RBM27: variants seen among roughly 807,000 people sequenced by gnomAD.
RBM27 encodes RNA binding motif protein 27, also known as RNA-binding protein 27.
Under a neutral mutation model 135.3 loss-of-function variants are expected in RBM27, and 22 were observed. The observed-to-expected ratio is 0.16, with a 90% confidence interval of 0.12 to 0.23. The LOEUF is 0.23. Ranked by LOEUF, RBM27 falls within the 10% of genes least tolerant of loss-of-function variation. The pLI, the probability that RBM27 is intolerant of heterozygous loss-of-function variation, is 1.00. For missense variants in RBM27, 1,009 were observed against 1,281.0 expected, an observed-to-expected ratio of 0.79 and a Z score of 3.24; for synonymous variants, 481 against 442.4, an observed-to-expected ratio of 1.09 and a Z score of -1.10.
intron 8 of RBM27, among the ~76,000 whole-genome samples, chr5:146,247,059 TC>T (rs1757656645): frequency 2.6e-5 from 4 of 151,524 alleles, no homozygotes. Context: ...AGATGAGGGC[TC>T]CCCATGTTGC....
chr5:146,210,025 C>T (rs1755866717), intron 1 of RBM27, among the ~76,000 whole-genome samples: 1 of 152,176 alleles, frequency 6.6e-6, no homozygotes, highest in African/African-American at 2.4e-5. Context: ...TATCCTCTTA[C>T]AGTGTTGCTA....
rs759463032 is a variant in RBM27, at chr5:146,233,625, C to CCCGGGCCCAGGT, written c.1029_1040dup (p.Pro355_Gly358dup). The CCCGGGCCCAGGT allele has an allele frequency of 1.2e-6, 2 of 1,601,324 alleles. No homozygotes were observed. Among genetic ancestry groups the CCCGGGCCCAGGT allele is most frequent in the South Asian group, 2.2e-5 (2 of 89,892 alleles). The stretch of plus-strand genomic sequence containing the variant: ...CTCCAATGCCAGGTCCAGGCCCAGG[C>CCCGGGCCCAGGT]CCGGGCCCAGGTCCAGGCCCAGGCC... On this transcript the variant is annotated inframe_insertion, in exon 7 of 21. Transcript: ENST00000265271.
chr5:146,240,294 ATCTGTCTGTCTGTCTG>A (rs59670617), intron 8 of RBM27, among the ~76,000 whole-genome samples: 17 of 148,108 alleles, frequency 1.1e-4, no homozygotes, highest in African/African-American at 3.7e-4. Context: ...GCTGTTTTCT[ATCTGTCTGTCTGTCTG>A]TCTGTCTGTC....
At chr5:146,265,178 A>C (rs1758562945) in intron 14 of RBM27, among the ~76,000 whole-genome samples, 1 of 152,204 alleles carries the variant, frequency 6.6e-6, no homozygotes. Context: ...TAATAACAAA[A>C]GACTGGAAAC....
chr5:146,279,481 A>G (rs961865725), intron 19 of RBM27, among the ~76,000 whole-genome samples: 1 of 151,178 alleles, frequency 6.6e-6, no homozygotes, highest in Non-Finnish European at 1.5e-5. Flanking sequence ...CAAAACTTTT[A>G]AAAATAAAAA....
chr5:146,207,867 C>T (rs1418206757), intron 1 of RBM27, among the ~76,000 whole-genome samples: 4 of 147,718 alleles, frequency 2.7e-5, no homozygotes, highest in Non-Finnish European at 5.9e-5. Context: ...GTTGGTCAGG[C>T]TGGTCTTGAA....
chr5:146,210,262 A>C (rs1454836132), intron 1 of RBM27, among the ~76,000 whole-genome samples: 1 of 152,160 alleles, frequency 6.6e-6, no homozygotes, highest in Non-Finnish European at 1.5e-5. Context: ...GAAAAGTAAG[A>C]ATTTTTTAGT....
intron 19 of RBM27, among the ~76,000 whole-genome samples, chr5:146,277,265 A>G (rs1561568950): frequency 6.6e-6 from 1 of 152,154 alleles, no homozygotes; most frequent in African/African-American, 2.4e-5. Flanking sequence ...TAGCACCTGT[A>G]TCTGTCATAT....
intron 14 of RBM27, among the ~76,000 whole-genome samples, chr5:146,264,170 A>ATTTG (rs928087514): frequency 3.7e-4 from 56 of 151,112 alleles, no homozygotes; most frequent in Admixed American, 1.6e-3. Context: ...TTAGATATTT[A>ATTTG]TTTGTTTGTT....
Position 146,261,356 on chromosome 5 carries a change from A to G in RBM27, c.1894-154A>G, listed in dbSNP as rs1758386895. On this transcript the variant is annotated intron_variant, in intron 12 of 20. Transcript: ENST00000265271. ...TTTGTGACCTCATTTAACCTTAATT[A>G]CATCCTAAAAGCTCTATCTCTAAAA... is the stretch of plus-strand genomic sequence containing the variant. 3 of 686,506 alleles carry G rather than the reference A, an allele frequency of 4.4e-6. No homozygotes were observed. The East Asian group carries it at 8.1e-5, about 19-fold the overall frequency. 42.5% of individuals were successfully genotyped at this position (686,506 alleles called of 1,614,324 possible).
In RBM27 at chr5:146,215,595, G is replaced by A. The variant is rs560559864; in HGVS notation, c.60-3390G>A. On this transcript the variant is annotated intron_variant, in intron 1 of 20. Transcript: ENST00000265271. The stretch of plus-strand genomic sequence containing the variant: ...CAAGAACTAAACTTTTTAAGTAAAG[G>A]TGGAAATGTAATTTTTTTCCCCTTC... Among the ~76,000 whole-genome samples the A allele has an allele frequency of 1.6e-3, 243 of 152,186 alleles. 7 individuals carry two copies. In the South Asian group the frequency reaches 0.049, roughly 31 times the overall value.
intron 9 of RBM27, among the ~76,000 whole-genome samples, chr5:146,252,158 TAGAA>T (rs1757918700): frequency 1.3e-5 from 2 of 152,220 alleles, no homozygotes; most frequent in Admixed American, 6.5e-5. Context: ...ATCAGGTAGA[TAGAA>T]AGATAATATC....
intron 8 of RBM27, among the ~76,000 whole-genome samples, chr5:146,246,021 A>G (rs1160303670): frequency 2.0e-5 from 3 of 152,204 alleles, no homozygotes; most frequent in African/African-American, 7.2e-5. Flanking sequence ...CATCCAAAGA[A>G]GTACTTAAGT....
In RBM27 at chr5:146,236,930, CTT is replaced by C. The variant is rs36073661; in HGVS notation, c.1145-345_1145-344del. On this transcript the variant is annotated intron_variant, in intron 7 of 20. Transcript: ENST00000265271. ...CCACCGTGCCCGGCCTATGATGGTC[CTT>C]TTTTTTTTTTTTTTTTTTTTTTCGA... Among the ~76,000 whole-genome samples the C allele has an allele frequency of 4.2e-3, 196 of 47,168 alleles. 1 individual carries two copies. Among genetic ancestry groups the C allele is most frequent in the Middle Eastern group, 0.026 (1 of 38 alleles). The allele number at this position is 47,168 out of a possible 152,430, so 30.9% of individuals were successfully genotyped here.
chr5:146,258,343 A>G, intron 10 of RBM27, 106 bp from the exon 11 acceptor site: 7 of 809,828 alleles, frequency 8.6e-6, no homozygotes, highest in East Asian at 6.1e-5. Context: ...TAAAAGAGAA[A>G]TGATAGTAGT....
At chr5:146,228,595 C>A (rs1224769690) in intron 3 of RBM27, among the ~76,000 whole-genome samples, 2 of 151,626 alleles carry the variant, frequency 1.3e-5, no homozygotes, top group Non-Finnish European at 2.9e-5. Flanking sequence ...AGGGACCATT[C>A]TTATTTTGTT....
chr5:146,233,292 GAT>G (rs1178256519), intron 6 of RBM27, among the ~76,000 whole-genome samples, 156 bp from the exon 7 acceptor site: 4 of 152,158 alleles, frequency 2.6e-5, no homozygotes, highest in African/African-American at 7.2e-5. Flanking sequence ...CTACCTTGGG[GAT>G]ATGTGATGCT....
chr5:146,252,618 T>C (rs1286891176), intron 9 of RBM27, among the ~76,000 whole-genome samples: 1 of 152,250 alleles, frequency 6.6e-6, no homozygotes, highest in African/African-American at 2.4e-5. Context: ...TAATCCTTTT[T>C]TAAAAAGATA....
At chr5:146,281,778 CTG>C (rs1759361576) in intron 19 of RBM27, among the ~76,000 whole-genome samples, 1 of 152,146 alleles carries the variant, frequency 6.6e-6, no homozygotes, top group Admixed American at 6.5e-5. Flanking sequence ...TGAGAATTGA[CTG>C]TAGTTTTATC....
Sources: allele counts gnomAD v4.1 joint callset (sites outside exome capture counted in the v4.1 genomes callset), GRCh38; gene constraint gnomAD v4.1.1; transcripts MANE v1.5; gene names NCBI Gene and HGNC (gene_info 2026-07-23, HGNC 2026-07-21).